The following SIPA1L1 variants were observed in gnomAD, a reference collection of about 807,000 sequenced individuals.
The protein encoded by SIPA1L1 is signal-induced proliferation-associated 1-like protein 1.
Under a neutral mutation model 162.7 loss-of-function variants are expected in SIPA1L1, and 26 were observed. The observed-to-expected ratio is 0.16, with a 90% CI of 0.12 to 0.22. SIPA1L1 has a LOEUF of 0.22. Among genes scored for constraint, SIPA1L1 ranks in the 10% least tolerant of loss-of-function variants. The pLI is 1.00. For missense variants in SIPA1L1, 1,874 were observed against 2,241.0 expected (o/e 0.84, Z 3.31); for synonymous variants, 829 against 837.4 (o/e 0.99, Z 0.17).
chr14:71,405,397 T>C (rs1480675207), intron 2 of SIPA1L1, among the ~76,000 whole-genome samples: 2 of 152,214 alleles, frequency 1.3e-5, no homozygotes, highest in East Asian at 1.9e-4. Context: ...TAACTAATCA[T>C]GTAGGTCCTT....
intron 2 of SIPA1L1, among the ~76,000 whole-genome samples, chr14:71,511,443 C>T (rs969167803): frequency 1.3e-5 from 2 of 152,050 alleles, no homozygotes; most frequent in African/African-American, 4.8e-5. Context: ...GGCCACCATG[C>T]CTGGCTAAAT....
intron 17 of SIPA1L1, among the ~76,000 whole-genome samples, chr14:71,714,960 A>T (rs1443126781): frequency 1.3e-5 from 2 of 152,230 alleles, no homozygotes; most frequent in Non-Finnish European, 2.9e-5. Flanking sequence ...CTCTAGCTAC[A>T]GCTCAAATAC....
intron 2 of SIPA1L1, among the ~76,000 whole-genome samples, chr14:71,422,864 T>A (rs2043289833): frequency 6.6e-6 from 1 of 152,238 alleles, no homozygotes; most frequent in Admixed American, 6.5e-5. Flanking sequence ...CATTGGATCA[T>A]CTGGTAGTTC....
At chr14:71,634,379 G>A (rs2040900999) in intron 7 of SIPA1L1, among the ~76,000 whole-genome samples, 1 of 146,292 alleles carries the variant, frequency 6.8e-6, no homozygotes, top group Non-Finnish European at 1.5e-5. Flanking sequence ...TCCAGCCTGG[G>A]TGACAAGAAC....
chr14:71,730,006 G>A lies in SIPA1L1; in HGVS notation c.4615-49G>A, dbSNP rs756254211. 18 of 1,584,224 alleles carry A rather than the reference G, an allele frequency of 1.1e-5. No homozygotes were observed. In the African/African-American group the frequency reaches 1.3e-4, roughly 12 times the overall value. On this transcript the variant is annotated intron_variant, in intron 19 of 23. Coordinates refer to ENST00000381232, the MANE Select transcript of SIPA1L1 (RefSeq NM_001386936.1). ...ACCCTCCCCCAACCTTGGTCTCAGG[G>A]ATCTGAACCAGAAAATTGACTTTCT... is the stretch of plus-strand genomic sequence containing the variant.
intron 2 of SIPA1L1, among the ~76,000 whole-genome samples, chr14:71,446,894 GTTTTTTTTTTTGT>G (rs1182512816): frequency 0.19 from 16,596 of 87,310 alleles, 930 homozygotes; most frequent in East Asian, 0.35. Flanking sequence ...GATGGGCTCT[GTTTTTTTTTTTGT>G]TTTTTTTTTT....
intron 4 of SIPA1L1, among the ~76,000 whole-genome samples, chr14:71,542,627 C>A (rs2054552117): frequency 8.4e-6 from 1 of 118,836 alleles, no homozygotes; most frequent in African/African-American, 3.3e-5. Context: ...CCTCCTCCTC[C>A]CCTTCTTCTT....
chr14:71,454,366 G>T (rs2046040706), intron 2 of SIPA1L1, among the ~76,000 whole-genome samples: 2 of 152,064 alleles, frequency 1.3e-5, no homozygotes, highest in South Asian at 4.2e-4. Context: ...AGCTATCCTG[G>T]GCGCCAGTAA....
intron 2 of SIPA1L1, among the ~76,000 whole-genome samples, chr14:71,340,996 A>G (rs58286010): frequency 0.023 from 3,484 of 152,332 alleles, 124 homozygotes; most frequent in African/African-American, 0.079. Flanking sequence ...GTGAAGATGT[A>G]CTAGTATCTC....
chr14:71,549,775 G>T (rs776241302), intron 4 of SIPA1L1, among the ~76,000 whole-genome samples: 5 of 152,164 alleles, frequency 3.3e-5, no homozygotes, highest in Non-Finnish European at 5.9e-5. Context: ...GAGAGTTTTT[G>T]TTGACTCCAT....
At chr14:71,732,827 C>T (rs2084924122) in intron 20 of SIPA1L1, among the ~76,000 whole-genome samples, 2 of 152,222 alleles carry the variant, frequency 1.3e-5, no homozygotes, top group African/African-American at 4.8e-5. Flanking sequence ...CCTTGGACAC[C>T]TTTGACCATG....
At chr14:71,670,124 A>G (rs1010017451) in intron 10 of SIPA1L1, among the ~76,000 whole-genome samples, 19 of 152,302 alleles carry the variant, frequency 1.2e-4, no homozygotes, top group Middle Eastern at 3.4e-3. Flanking sequence ...GCGATCTTCG[A>G]TGTGTTAGAA....
intron 2 of SIPA1L1, among the ~76,000 whole-genome samples, chr14:71,453,051 G>C (rs1185115707): frequency 1.3e-5 from 2 of 152,092 alleles, no homozygotes; most frequent in Non-Finnish European, 2.9e-5. Flanking sequence ...TCTGTTCCAT[G>C]TTTAGTGAAT....
chr14:71,601,447 G>C (rs1207742264), intron 5 of SIPA1L1, among the ~76,000 whole-genome samples: 5 of 152,054 alleles, frequency 3.3e-5, no homozygotes, highest in Admixed American at 2.6e-4. Context: ...AATCCCACTT[G>C]GTTATGGTGT....
chr14:71,606,618 T>A (rs1474199387), intron 5 of SIPA1L1, among the ~76,000 whole-genome samples: 1 of 151,896 alleles, frequency 6.6e-6, no homozygotes, highest in Admixed American at 6.6e-5. Flanking sequence ...CCTGCAAGGG[T>A]CATGGGGCTC....
At chr14:71,556,274 A>G (rs1055424658) in intron 4 of SIPA1L1, among the ~76,000 whole-genome samples, 2 of 152,208 alleles carry the variant, frequency 1.3e-5, no homozygotes, top group Admixed American at 1.3e-4. Flanking sequence ...CTCTGCTTTC[A>G]TACCACCATG....
intron 13 of SIPA1L1, among the ~76,000 whole-genome samples, chr14:71,688,028 C>T (rs1418742395): frequency 6.6e-6 from 1 of 152,098 alleles, no homozygotes; most frequent in Non-Finnish European, 1.5e-5. Flanking sequence ...GATGATTTGG[C>T]TCATCTTCAT....
chr14:71,699,831 G>T (rs1203858053), intron 14 of SIPA1L1, among the ~76,000 whole-genome samples: 3 of 152,218 alleles, frequency 2.0e-5, no homozygotes, highest in Non-Finnish European at 4.4e-5. Flanking sequence ...GCCTGCCCTG[G>T]AAAGAACTGG....
At chr14:71,597,075 TC>T (rs1351473908) in intron 5 of SIPA1L1, among the ~76,000 whole-genome samples, 1 of 152,128 alleles carries the variant, frequency 6.6e-6, no homozygotes, top group East Asian at 1.9e-4. Flanking sequence ...GCTCAAGGGA[TC>T]CTCCCATCTC....
Sources: allele counts gnomAD v4.1 joint callset (sites outside exome capture counted in the v4.1 genomes callset), GRCh38; gene constraint gnomAD v4.1.1; transcripts MANE v1.5; gene names NCBI Gene and HGNC (gene_info 2026-07-23, HGNC 2026-07-21).